SSBP3: variants seen among roughly 807,000 people sequenced by gnomAD.
SSBP3 encodes the protein single-stranded DNA-binding protein 3.
A neutral mutation model predicts 69.6 loss-of-function variants in SSBP3; 5 were observed. The ratio of observed to expected loss-of-function variants is 0.07; its 90% CI spans 0.04 to 0.15. The LOEUF (loss-of-function observed/expected upper bound fraction) is 0.15, where lower values mean the gene tolerates loss of function less well. Ranked by LOEUF, SSBP3 falls within the 10% of genes least tolerant of loss-of-function variation. SSBP3 has a pLI of 1.00. For missense variants in SSBP3, 312 were observed against 534.0 expected, an observed-to-expected ratio of 0.58 and a Z score of 4.10; for synonymous variants, 196 against 193.4, an observed-to-expected ratio of 1.01 and a Z score of -0.11.
intron 15 of SSBP3, 54 bp from the exon 16 acceptor site, chr1:54,228,531 G>A: frequency 6.2e-7 from 1 of 1,610,526 alleles, no homozygotes; most frequent in South Asian, 1.1e-5. Flanking sequence ...CCACGGAGGG[G>A]TCTCCCCTCG....
At chr1:54,404,815 G>T in intron 2 of SSBP3, 43 bp downstream of exon 2, 2 of 1,060,366 alleles carry the variant, frequency 1.9e-6, no homozygotes, top group Admixed American at 2.0e-5. Flanking sequence ...TAGTGGGGGG[G>T]GGGGGTGTCA....
chr1:54,369,858 G>A lies in SSBP3; in HGVS notation c.276+32003C>T, dbSNP rs182076358. On this transcript the variant is annotated intron_variant, in intron 4 of 17. Coordinates refer to ENST00000610401, the Ensembl canonical transcript of SSBP3. ...GATTAGTACCCTCGACGGTATCCTG[G>A]GCACAACATTGCTCCATTTTTTTTT... Among the ~76,000 whole-genome samples, 269 of 152,082 alleles carry A rather than the reference G, an allele frequency of 1.8e-3. 16 individuals carry two copies. In the South Asian group the frequency reaches 0.038, roughly 22 times the overall value.
chr1:54,305,489 G>A (rs1419854276), intron 4 of SSBP3, among the ~76,000 whole-genome samples: 1 of 152,150 alleles, frequency 6.6e-6, no homozygotes, highest in Non-Finnish European at 1.5e-5. Flanking sequence ...ACAGAGCCAG[G>A]GAACATTTTC....
chr1:54,394,524 C>T (rs1648720197), intron 4 of SSBP3, among the ~76,000 whole-genome samples: 1 of 151,936 alleles, frequency 6.6e-6, no homozygotes, highest in Non-Finnish European at 1.5e-5. Flanking sequence ...GCTTGGTAAC[C>T]TCAAAATACG....
At chr1:54,365,711 G>C (rs374111077) in intron 4 of SSBP3, among the ~76,000 whole-genome samples, 2 of 152,158 alleles carry the variant, frequency 1.3e-5, no homozygotes, top group African/African-American at 2.4e-5. Context: ...CACCTGGAAA[G>C]CCTGCCTTCT....
intron 4 of SSBP3, among the ~76,000 whole-genome samples, chr1:54,304,922 A>C (rs529507920): frequency 2.6e-5 from 4 of 152,222 alleles, no homozygotes; most frequent in Admixed American, 1.3e-4. Context: ...GAAGACCACC[A>C]CCACCACCCC....
chr1:54,237,251 A>C (rs900281815), intron 14 of SSBP3: 1 of 152,232 alleles, frequency 6.6e-6, no homozygotes, highest in Non-Finnish European at 1.5e-5. Flanking sequence ...TCTGTTACTG[A>C]AAGTCCCTCG....
Position 54,233,457 on chromosome 1 carries a change from C to T in SSBP3, c.928-4631G>A, listed in dbSNP as rs1175589926. Among the ~76,000 whole-genome samples, 31 of 151,562 alleles carry T rather than the reference C, an allele frequency of 2.0e-4. 1 individual carries two copies. The highest frequency in any genetic ancestry group is 6.6e-4 in the Admixed American group (10 of 15,266). ...CCATCTGGGAAGTGAGGAGCGTCTCCGGCTGGCAGCCACACCGTCTGGGAG... is the reference window on the plus strand; with the variant it reads ...CCATCTGGGAAGTGAGGAGCGTCTCTGGCTGGCAGCCACACCGTCTGGGAG... On this transcript the variant is annotated intron_variant, in intron 14 of 17. Transcript: ENST00000610401.
In SSBP3 at chr1:54,338,580, T is replaced by A. The variant is rs1402947991; in HGVS notation, c.277-57053A>T. ...ACTGTCCGGTCACTCTGCGTCCATT[T>A]GCCTTTACGGCAATATATATACTAA... is the stretch of plus-strand genomic sequence containing the variant. On this transcript the variant is annotated intron_variant, in intron 4 of 17. Coordinates refer to ENST00000610401, the Ensembl canonical transcript of SSBP3. 1.1e-4 allele frequency among the ~76,000 whole-genome samples: 17 copies of A among 152,216 alleles called. 1 individual carries two copies. The highest frequency in any genetic ancestry group is 1.1e-3 in the Admixed American group (17 of 15,282).
rs573144027 is a variant in SSBP3, at chr1:54,351,185, G to A, written c.276+50676C>T. ...ACCAGAAGAAGATGATGTGAAAAAA[G>A]TAAAGTAAAAGTAGGAAAACAGCCT... is the stretch of plus-strand genomic sequence containing the variant. On this transcript the variant is annotated intron_variant, in intron 4 of 17. Coordinates refer to ENST00000610401, the Ensembl canonical transcript of SSBP3. 3.3e-5 allele frequency among the ~76,000 whole-genome samples: 5 copies of A among 152,290 alleles called. No homozygotes were observed. In the South Asian group the frequency reaches 1.0e-3, roughly 32 times the overall value.
intron 9 of SSBP3, 109 bp from the exon 10 acceptor site, chr1:54,243,408 G>A (rs1644677085): frequency 2.3e-6 from 3 of 1,329,310 alleles, no homozygotes; most frequent in East Asian, 4.7e-5. Flanking sequence ...CTGTGAAAAG[G>A]ATTGATGAGA....
chr1:54,382,662 T>C (rs1346105117), intron 4 of SSBP3, among the ~76,000 whole-genome samples: 2 of 151,700 alleles, frequency 1.3e-5, no homozygotes, highest in Non-Finnish European at 2.9e-5. Context: ...TTTCAGGCCC[T>C]TGGAAAAGCC....
Position 54,288,586 on chromosome 1 carries a change from T to TG in SSBP3, c.277-7060dup, listed in dbSNP as rs34312035. ...TTTTGATCCCATACATCAGCAGGGGTGGGGGGGGGGAGGGTAGTATTTATT... is the reference window on the plus strand; with the variant it reads ...TTTTGATCCCATACATCAGCAGGGGTGGGGGGGGGGGAGGGTAGTATTTATT... On this transcript the variant is annotated intron_variant, in intron 4 of 17. Transcript: ENST00000610401. Among the ~76,000 whole-genome samples, 66 of 125,576 alleles carry TG rather than the reference T, an allele frequency of 5.3e-4. No homozygotes were observed. In the East Asian group the frequency reaches 6.9e-3, roughly 13 times the overall value. 82.4% of individuals were successfully genotyped at this position (125,576 alleles called of 152,430 possible). A position where few individuals can be genotyped will look rare whatever the true frequency, so the allele number is the denominator to read the frequency against.
At chr1:54,280,866 G>A (rs186109907) in intron 5 of SSBP3, among the ~76,000 whole-genome samples, 4 of 152,266 alleles carry the variant, frequency 2.6e-5, no homozygotes, top group South Asian at 4.2e-4. Context: ...TGCCTGTGGC[G>A]GGCAGAGCAC....
chr1:54,383,235 G>A (rs1223763100), intron 4 of SSBP3, among the ~76,000 whole-genome samples: 5 of 151,780 alleles, frequency 3.3e-5, no homozygotes, highest in African/African-American at 9.7e-5. Flanking sequence ...AAAATTAGCC[G>A]GGCGTGGTGG....
chr1:54,321,767 G>A (rs531958212), intron 4 of SSBP3, among the ~76,000 whole-genome samples: 4 of 152,292 alleles, frequency 2.6e-5, no homozygotes, highest in African/African-American at 9.6e-5. Flanking sequence ...GTGCTATTCT[G>A]GAAATTAAGA....
chr1:54,315,633 C>A (rs1442283961), intron 4 of SSBP3, among the ~76,000 whole-genome samples: 1 of 151,704 alleles, frequency 6.6e-6, no homozygotes, highest in Non-Finnish European at 1.5e-5. Context: ...GCTCTATCGC[C>A]CAGGCTGGAG....
chr1:54,316,945 G>A (rs1646125607), intron 4 of SSBP3, among the ~76,000 whole-genome samples: 1 of 152,010 alleles, frequency 6.6e-6, no homozygotes, highest in South Asian at 2.1e-4. Flanking sequence ...TCTTTTAGGA[G>A]GGCACTCATT....
intron 14 of SSBP3, among the ~76,000 whole-genome samples, chr1:54,235,195 T>C (rs1037957495): frequency 6.6e-6 from 1 of 152,128 alleles, no homozygotes; most frequent in Non-Finnish European, 1.5e-5. Flanking sequence ...GGGGCTGGCT[T>C]TGGAGGACCA....
Sources: allele counts gnomAD v4.1 joint callset (sites outside exome capture counted in the v4.1 genomes callset), GRCh38; gene constraint gnomAD v4.1.1; transcripts MANE v1.5; gene names NCBI Gene and HGNC (gene_info 2026-07-23, HGNC 2026-07-21).